Variants in SEPTIN11 observed in about 807,000 individuals in gnomAD.
SEPTIN11 encodes the protein septin-11.
SEPTIN11 carries 25 observed loss-of-function variants against 51.4 expected under a neutral mutation model. The observed-to-expected ratio is 0.49, with a 90% CI of 0.35 to 0.68. The LOEUF is 0.68. Ranked by LOEUF, SEPTIN11 falls within the 30% of genes least tolerant of loss-of-function variation. SEPTIN11 has a pLI of 0.00. For synonymous variants in SEPTIN11, 174 were observed against 184.1 expected (o/e 0.95, Z 0.44); for missense variants, 381 against 520.8 (o/e 0.73, Z 2.61).
chr4:76,952,292 C>T (rs887378884), intron 1 of SEPTIN11, among the ~76,000 whole-genome samples: 4 of 152,036 alleles, frequency 2.6e-5, no homozygotes, highest in Admixed American at 1.3e-4. Flanking sequence ...AGGAAGGGTG[C>T]GCTGAGGGAA....
chr4:77,014,726 G>A (rs760135647), intron 4 of SEPTIN11, 130 bp from the exon 5 acceptor site: 72 of 869,806 alleles, frequency 8.3e-5, no homozygotes, highest in Admixed American at 2.8e-4. Flanking sequence ...GAGATGTTTT[G>A]ATATAAGTAG....
chr4:76,963,687 A>C (rs1721911999), intron 1 of SEPTIN11, among the ~76,000 whole-genome samples: 1 of 152,216 alleles, frequency 6.6e-6, no homozygotes, highest in Non-Finnish European at 1.5e-5. Flanking sequence ...ATTAATTTAC[A>C]CTTAAACAGC....
At chr4:76,997,692 CAGG>C (rs1723818226) in intron 2 of SEPTIN11, among the ~76,000 whole-genome samples, 1 of 152,170 alleles carries the variant, frequency 6.6e-6, no homozygotes, top group Admixed American at 6.5e-5. Context: ...TAAAATTCAG[CAGG>C]AGACCTCCCG....
intron 1 of SEPTIN11, among the ~76,000 whole-genome samples, chr4:76,990,465 T>C (rs902836024): frequency 2.6e-5 from 4 of 152,142 alleles, no homozygotes; most frequent in African/African-American, 9.7e-5. Context: ...CCGTGGCCTG[T>C]CCGGAACTGG....
rs958271876 is a variant in SEPTIN11, at chr4:76,992,091, G to A, written c.28-4334G>A. Among the ~76,000 whole-genome samples the A allele has an allele frequency of 5.3e-5, 8 of 152,320 alleles. No homozygotes were observed. In the South Asian group the frequency reaches 8.3e-4, roughly 16 times the overall value. ...GGGCTAAATCAATTAAGGTCTTATA[G>A]TTACTTACTTAGTGGTTCTGTGTTG... On this transcript the variant is annotated intron_variant, in intron 1 of 9. Coordinates refer to ENST00000264893, the MANE Select transcript of SEPTIN11 (RefSeq NM_018243.4).
In SEPTIN11 at chr4:77,037,094, G is replaced by A. The variant is rs1378064857; in HGVS notation, c.*2582G>A. On this transcript the variant is annotated 3_prime_UTR_variant, in exon 10 of 10. Coordinates refer to ENST00000264893, the MANE Select transcript of SEPTIN11 (RefSeq NM_018243.4). The stretch of plus-strand genomic sequence containing the variant: ...TTACTAATCCAGGCCAGGTGTGGTG[G>A]CTCATGCCTGTAATCCCAGCACTTT... The A allele has an allele frequency of 2.8e-6, 3 of 1,073,894 alleles. No individual in the cohort carries two copies. Among genetic ancestry groups the A allele is most frequent in the Non-Finnish European group, 1.1e-6 (1 of 887,760 alleles). 66.5% of individuals were successfully genotyped at this position (1,073,894 alleles called of 1,614,324 possible).
chr4:76,998,348 T>A (rs1560719768), intron 2 of SEPTIN11, among the ~76,000 whole-genome samples: 1 of 152,170 alleles, frequency 6.6e-6, no homozygotes, highest in Non-Finnish European at 1.5e-5. Flanking sequence ...CATCTTTCTG[T>A]ATTAGGAAAT....
At chr4:76,958,728 A>T (rs975416493) in intron 1 of SEPTIN11, 2 of 557,770 alleles carry the variant, frequency 3.6e-6, no homozygotes, top group African/African-American at 3.8e-5. Flanking sequence ...TGTTGTTGTT[A>T]GAATTAATGT....
chr4:77,020,003 T>C (rs1299836525), intron 6 of SEPTIN11, among the ~76,000 whole-genome samples: 2 of 152,240 alleles, frequency 1.3e-5, no homozygotes, highest in Non-Finnish European at 2.9e-5. Context: ...GAAAACTCCT[T>C]TCTTCCTAGT....
chr4:76,967,032 A>G (rs1722062787), intron 1 of SEPTIN11, among the ~76,000 whole-genome samples: 1 of 151,818 alleles, frequency 6.6e-6, no homozygotes, highest in Non-Finnish European at 1.5e-5. Flanking sequence ...CCGTGTCTCT[A>G]CTAAAAATAC....
At position 77,005,654 on chromosome 4, in the gene SEPTIN11, T is replaced by G. The variant is rs1211531842; in HGVS notation, c.196T>G (p.Phe66Val). The G allele has an allele frequency of 6.2e-7, 1 of 1,614,048 alleles. No individual in the cohort carries two copies. Among genetic ancestry groups the G allele is most frequent in the Admixed American group, 1.7e-5 (1 of 60,018 alleles). Reference sequence around the variant, plus strand: ...AATGGACACTTTGTTCAACACCAAATTTGAAAGTGACCCAGCTACTCACAA... The same window carrying G: ...AATGGACACTTTGTTCAACACCAAAGTTGAAAGTGACCCAGCTACTCACAA... ...TLMDTLFNTK[F>V]ESDPATHNEP... The change falls in exon 3 of 10, where the codon TTT (phenylalanine) becomes GTT (valine). Residue 66 changes from phenylalanine (F) to valine (V), a missense_variant. Physicochemically the swap from Phe to Val is conservative, Grantham distance 50. Coordinates refer to ENST00000264893, the MANE Select transcript of SEPTIN11 (RefSeq NM_018243.4).
rs560570576 is a variant in SEPTIN11 at position 76,971,571 on chromosome 4, T to C, written c.27+21641T>C. 7.2e-3 allele frequency among the ~76,000 whole-genome samples: 1,097 copies of C among 151,926 alleles called. 15 individuals carry two copies. The highest frequency in any genetic ancestry group is 0.024 in the African/African-American group (1,012 of 41,340). On this transcript the variant is annotated intron_variant, in intron 1 of 9. Coordinates refer to ENST00000264893, the MANE Select transcript of SEPTIN11 (RefSeq NM_018243.4). ...CTAATTTTTAGCTTAAGATTAGATT[T>C]AGATTTAGATTTAGATTAAGATTAG...
intron 1 of SEPTIN11, among the ~76,000 whole-genome samples, chr4:76,985,803 CTGAAAA>C (rs1344790304): frequency 6.6e-6 from 1 of 152,192 alleles, no homozygotes; most frequent in Non-Finnish European, 1.5e-5. Context: ...GTTTCCTTAT[CTGAAAA>C]TGAGAAGGTT....
chr4:77,034,494 C>A lies in SEPTIN11; in HGVS notation c.1275-3C>A. 1 of 1,545,156 alleles carries A rather than the reference C, an allele frequency of 6.5e-7. No homozygotes were observed. Among genetic ancestry groups the A allele is most frequent in the Non-Finnish European group, 8.7e-7 (1 of 1,151,466 alleles). Reference sequence around the variant, plus strand: ...CTTTTTTGTTTTGTTTTTTAACTTGCAGTGCAAGCTTCACATAAAGCCTGG... The same window carrying A: ...CTTTTTTGTTTTGTTTTTTAACTTGAAGTGCAAGCTTCACATAAAGCCTGG... On this transcript the variant is annotated splice_region_variant and splice_polypyrimidine_tract_variant and intron_variant, in intron 9 of 9. Transcript: ENST00000264893.
In SEPTIN11 at chr4:77,018,035, A is replaced by AT. The variant is rs200047324; in HGVS notation, c.688-1126dup. Reference sequence around the variant, plus strand: ...ATGTGAGACACACAAGTATTTTAAAATTTTCTAGTAGCTACCTTAAAAAAG... The same window carrying AT: ...ATGTGAGACACACAAGTATTTTAAAATTTTTCTAGTAGCTACCTTAAAAAAG... On this transcript the variant is annotated intron_variant, in intron 5 of 9. Transcript: ENST00000264893. Among the ~76,000 whole-genome samples the AT allele has an allele frequency of 5.0e-4, 76 of 152,332 alleles. 1 individual carries two copies. The highest frequency in any genetic ancestry group is 7.3e-5 in the Non-Finnish European group (5 of 68,036).
intron 3 of SEPTIN11, among the ~76,000 whole-genome samples, chr4:77,006,591 T>C (rs1724491589): frequency 6.6e-6 from 1 of 152,192 alleles, no homozygotes; most frequent in African/African-American, 2.4e-5. Flanking sequence ...AGAATGGGGC[T>C]TCCAGAAACA....
intron 1 of SEPTIN11, among the ~76,000 whole-genome samples, chr4:76,983,824 G>A (rs1032925685): frequency 1.3e-5 from 2 of 152,054 alleles, no homozygotes; most frequent in Admixed American, 6.6e-5. Flanking sequence ...CCTGGCCAAC[G>A]TGGTGAAACC....
chr4:76,961,278 C>T (rs17002297), intron 1 of SEPTIN11, among the ~76,000 whole-genome samples: 31,964 of 151,942 alleles, frequency 0.21, 3,467 homozygotes, highest in East Asian at 0.34. Flanking sequence ...GGCTATCTTT[C>T]GAAATTTATT....
rs1456200917 is a variant in SEPTIN11 at position 76,996,666 on chromosome 4, G to A, written c.142+127G>A. On this transcript the variant is annotated intron_variant, in intron 2 of 9. Coordinates refer to ENST00000264893, the MANE Select transcript of SEPTIN11 (RefSeq NM_018243.4). ...TCTCTTTCTTTCATCAGTAAAACAA[G>A]GCAAAATATCTGCCTTATACATGTC... The A allele has an allele frequency of 3.8e-5, 26 of 687,606 alleles. No homozygotes were observed. The South Asian group carries it at 4.9e-4, about 13-fold the overall frequency. The allele number at this position is 687,606 out of a possible 1,614,324, so 42.6% of individuals were successfully genotyped here.
Sources: gnomAD v4.1 joint callset for allele counts (sites outside exome capture counted in the v4.1 genomes callset) on GRCh38, gnomAD v4.1.1 for gene constraint, MANE v1.5 for transcripts, NCBI Gene and HGNC (gene_info 2026-07-23, HGNC 2026-07-21) for gene names.